Variants in TSPAN9 observed in about 807,000 individuals in gnomAD.
The protein encoded by TSPAN9 is tetraspanin 9.
A neutral mutation model predicts 31.0 loss-of-function variants in TSPAN9; 16 were observed. The ratio of observed to expected loss-of-function variants is 0.52; its 90% CI spans 0.35 to 0.78. The LOEUF (loss-of-function observed/expected upper bound fraction) is 0.78, where lower values mean the gene tolerates loss of function less well. Among genes scored for constraint, TSPAN9 ranks in the 30% least tolerant of loss-of-function variants. TSPAN9 has a pLI of 0.01. For synonymous variants in TSPAN9, 145 were observed against 121.6 expected (o/e 1.19, Z -1.27); for missense variants, 272 against 312.5 (o/e 0.87, Z 0.98).
intron 3 of TSPAN9, among the ~76,000 whole-genome samples, chr12:3,236,309 C>G (rs1440769701): frequency 2.6e-5 from 4 of 152,210 alleles, no homozygotes; most frequent in African/African-American, 9.7e-5. Context: ...TACCATTTAT[C>G]TAGTACTTTC....
At chr12:3,163,233 T>C (rs888114905) in intron 2 of TSPAN9, among the ~76,000 whole-genome samples, 1 of 152,234 alleles carries the variant, frequency 6.6e-6, no homozygotes, top group African/African-American at 2.4e-5. Flanking sequence ...GCTCTCTGGC[T>C]GTTTTCAGAA....
intron 3 of TSPAN9, 136 bp downstream of exon 3, chr12:3,201,392 T>C (rs1392084617): frequency 7.7e-6 from 6 of 781,386 alleles, no homozygotes; most frequent in Non-Finnish European, 1.2e-5. Flanking sequence ...TAAAAAAAAA[T>C]TGCCCCCGCC....
chr12:3,201,616 G>A (rs2098371880), intron 3 of TSPAN9, among the ~76,000 whole-genome samples: 1 of 152,186 alleles, frequency 6.6e-6, no homozygotes, highest in African/African-American at 2.4e-5. Flanking sequence ...TGTAACAGCT[G>A]TGAGCCTGAG....
At position 3,182,813 on chromosome 12, in the gene TSPAN9, T is replaced by C. The variant is rs374176201; in HGVS notation, c.-17-18364T>C. Reference sequence around the variant, plus strand: ...GCCTCCATGCCAAGGGAGGGGAGGCTAATTGGAGCCTAGAATTGGGGCAGG... The same window carrying C: ...GCCTCCATGCCAAGGGAGGGGAGGCCAATTGGAGCCTAGAATTGGGGCAGG... On this transcript the variant is annotated intron_variant, in intron 2 of 8. Transcript: ENST00000011898. Among the ~76,000 whole-genome samples the C allele has an allele frequency of 3.9e-5, 6 of 152,156 alleles. No individual in the cohort carries two copies. In the South Asian group the frequency reaches 8.3e-4, roughly 21 times the overall value.
chr12:3,268,392 C>G, intron 3 of TSPAN9, among the ~76,000 whole-genome samples: 1 of 113,580 alleles, frequency 8.8e-6, no homozygotes, highest in Admixed American at 8.5e-5. Context: ...AGCCTGCCCT[C>G]TCTGTGTTCC....
intron 2 of TSPAN9, among the ~76,000 whole-genome samples, chr12:3,109,665 G>T (rs1164411907): frequency 1.3e-5 from 2 of 151,776 alleles, no homozygotes; most frequent in South Asian, 4.2e-4. Flanking sequence ...GGGCATCGTG[G>T]CAGGCGCCTG....
intron 3 of TSPAN9, among the ~76,000 whole-genome samples, chr12:3,213,355 G>A (rs2098379748): frequency 6.6e-6 from 1 of 152,194 alleles, no homozygotes; most frequent in South Asian, 2.1e-4. Flanking sequence ...GGCTTCCCCC[G>A]CTTGTTGGCA....
Position 3,201,305 on chromosome 12 carries a change from G to T in TSPAN9, c.63+49G>T, listed in dbSNP as rs201985205. 23 of 1,554,532 alleles carry T rather than the reference G, an allele frequency of 1.5e-5. No homozygotes were observed. In the African/African-American group the frequency reaches 2.4e-4, roughly 16 times the overall value. Reference sequence around the variant, plus strand: ...CCTTCGCCCTCTTCTCCTCCTCTTGGCTTACCATAGCGTGAATACCCTCTC... The same window carrying T: ...CCTTCGCCCTCTTCTCCTCCTCTTGTCTTACCATAGCGTGAATACCCTCTC... On this transcript the variant is annotated intron_variant, in intron 3 of 8. Coordinates refer to ENST00000011898, the MANE Select transcript of TSPAN9 (RefSeq NM_006675.5).
chr12:3,279,356 G>C (rs78278054), intron 5 of TSPAN9, among the ~76,000 whole-genome samples: 6,758 of 152,334 alleles, frequency 0.044, 232 homozygotes, highest in Non-Finnish European at 0.06. Context: ...GCTGCCTCTG[G>C]CGCTAGTGAG....
intron 3 of TSPAN9, among the ~76,000 whole-genome samples, chr12:3,247,510 C>T (rs959357289): frequency 6.6e-6 from 1 of 152,124 alleles, no homozygotes; most frequent in African/African-American, 2.4e-5. Context: ...AAATCCTCTT[C>T]GGAGACAGAC....
At chr12:3,205,343 G>A (rs1305346587) in intron 3 of TSPAN9, among the ~76,000 whole-genome samples, 1 of 152,336 alleles carries the variant, frequency 6.6e-6, no homozygotes, top group African/African-American at 2.4e-5. Flanking sequence ...AAAGGTTGGC[G>A]CAGGGTGGCC....
At chr12:3,221,508 G>A (rs1276572229) in intron 3 of TSPAN9, among the ~76,000 whole-genome samples, 1 of 151,824 alleles carries the variant, frequency 6.6e-6, no homozygotes, top group Non-Finnish European at 1.5e-5. Flanking sequence ...ACAGGTGCAT[G>A]CCACCAAGCC....
chr12:3,109,336 G>A (rs1487704798), intron 2 of TSPAN9, among the ~76,000 whole-genome samples: 1 of 150,982 alleles, frequency 6.6e-6, no homozygotes, highest in Non-Finnish European at 1.5e-5. Context: ...GTTTGTGTGT[G>A]TATTTTCTGT....
intron 2 of TSPAN9, among the ~76,000 whole-genome samples, chr12:3,196,479 G>T (rs529612930): frequency 1.3e-5 from 2 of 152,360 alleles, no homozygotes; most frequent in Admixed American, 1.3e-4. Flanking sequence ...CATGGGCTGT[G>T]AAATCAGTTT....
At position 3,077,677 on chromosome 12, in the gene TSPAN9, G is replaced by A. The variant is rs375474338; in HGVS notation, c.-85+224G>A. ...CGGGAAGCGGGCCGGGAAGGGGAGG[G>A]TGGGTGCGGGGCCCGGGCACCGAGC... On this transcript the variant is annotated intron_variant, in intron 1 of 8. Transcript: ENST00000011898. Among the ~76,000 whole-genome samples, 605 of 151,932 alleles carry A rather than the reference G, an allele frequency of 4.0e-3. 5 individuals are homozygous for A. Among genetic ancestry groups the A allele is most frequent in the African/African-American group, 0.014 (590 of 41,480 alleles).
At chr12:3,240,855 TA>T (rs1264550701) in intron 3 of TSPAN9, among the ~76,000 whole-genome samples, 2 of 152,084 alleles carry the variant, frequency 1.3e-5, no homozygotes, top group African/African-American at 2.4e-5. Context: ...TAGGTCTGTA[TA>T]AAAAAAATAG....
chr12:3,263,320 G>A (rs1021990850), intron 3 of TSPAN9, among the ~76,000 whole-genome samples: 1 of 152,216 alleles, frequency 6.6e-6, no homozygotes, highest in African/African-American at 2.4e-5. Context: ...GACCTGGCCC[G>A]TTGGCAGCAC....
chr12:3,281,689 G>T lies in TSPAN9; in HGVS notation c.565-45G>T, dbSNP rs372203481. 8.2e-6 allele frequency: 13 copies of T among 1,585,624 alleles called. No homozygotes were observed. In the East Asian group the frequency reaches 2.3e-4, roughly 27 times the overall value. The stretch of plus-strand genomic sequence containing the variant: ...AGCTGGGGGCTGGGCTGCAGGGAGC[G>T]CATGCTTGGGCTGGGACCCTAACCT... On this transcript the variant is annotated intron_variant, in intron 7 of 8. Transcript: ENST00000011898.
chr12:3,182,526 G>A (rs932134023), intron 2 of TSPAN9, among the ~76,000 whole-genome samples: 11 of 149,590 alleles, frequency 7.4e-5, no homozygotes, highest in South Asian at 2.1e-4. Flanking sequence ...TCATTCATTC[G>A]TCTGCCCATT....
Sources: gnomAD v4.1 joint callset for allele counts (sites outside exome capture counted in the v4.1 genomes callset) on GRCh38, gnomAD v4.1.1 for gene constraint, MANE v1.5 for transcripts, NCBI Gene and HGNC (gene_info 2026-07-23, HGNC 2026-07-21) for gene names.